PHEX: variants seen among roughly 807,000 people sequenced by gnomAD.
PHEX encodes the protein phosphate regulating endopeptidase X-linked.
Under a neutral mutation model 68.0 loss-of-function variants are expected in PHEX, and 16 were observed. That is an observed-to-expected ratio of 0.24 (90% CI 0.16 to 0.36). PHEX has a LOEUF of 0.36. Among genes scored for constraint, PHEX ranks in the 10% least tolerant of loss-of-function variants. The pLI is 1.00. For missense variants in PHEX, 480 were observed against 575.5 expected (o/e 0.83, Z 1.70); for synonymous variants, 208 against 205.1 (o/e 1.01, Z -0.12).
At chrX:22,232,441 T>C (rs1429828344) in intron 20 of PHEX, among the ~76,000 whole-genome samples, 2 of 110,202 alleles carry the variant, frequency 1.8e-5, no homozygotes, top group Admixed American at 1.9e-4. Flanking sequence ...GCTTGATGAA[T>C]CTGGGTGTTC....
intron 3 of PHEX, among the ~76,000 whole-genome samples, chrX:22,070,803 A>G (rs1308176641): frequency 8.9e-6 from 1 of 112,304 alleles, no homozygotes; most frequent in Non-Finnish European, 1.9e-5. Context: ...GTCAGGAGAA[A>G]GAACCCAAAG....
chrX:22,066,504 G>C (rs1357592770), intron 3 of PHEX, among the ~76,000 whole-genome samples: 1 of 112,343 alleles, frequency 8.9e-6, no homozygotes, highest in East Asian at 2.8e-4. Flanking sequence ...ATCTGCCAGG[G>C]AAGTCATGGC....
intron 21 of PHEX, among the ~76,000 whole-genome samples, chrX:22,246,390 A>T (rs775891332): frequency 5.4e-5 from 6 of 112,025 alleles, no homozygotes; most frequent in Non-Finnish European, 1.1e-4. Context: ...AATTTCTTCT[A>T]TATGTTAAAA....
chrX:22,181,378 T>C (rs1161785369), intron 14 of PHEX, among the ~76,000 whole-genome samples: 2 of 112,300 alleles, frequency 1.8e-5, no homozygotes, highest in African/African-American at 3.2e-5. Flanking sequence ...CCTTTTCATA[T>C]ACCTGTTTGC....
intron 3 of PHEX, among the ~76,000 whole-genome samples, chrX:22,068,806 G>C (rs922400184): frequency 8.9e-6 from 1 of 111,734 alleles, no homozygotes; most frequent in Non-Finnish European, 1.9e-5. Flanking sequence ...AACATACACG[G>C]CTTTTTCCTT....
chrX:22,129,265 G>C (rs1267263986), intron 11 of PHEX, among the ~76,000 whole-genome samples: 1 of 111,318 alleles, frequency 9.0e-6, no homozygotes, highest in East Asian at 2.8e-4. Context: ...TTTAAAATTT[G>C]TGAATTGTTT....
chrX:22,200,608 C>G (rs780129560), intron 15 of PHEX, among the ~76,000 whole-genome samples: 2 of 108,492 alleles, frequency 1.8e-5, no homozygotes, highest in South Asian at 8.0e-4. Context: ...GACTCTGTCT[C>G]AAAAATAAAA....
chrX:22,230,229 CTTTTTTTTTTTTTTTTTTTTTT>C lies in PHEX; in HGVS notation c.2070+2630_2070+2651del, dbSNP rs140475343. ...TAGGATTGTTTTGGCTATATGGGCT[CTTTTTTTTTTTTTTTTTTTTTT>C]TTTTTTTTTTTGGTTCCATATGAAG... On this transcript the variant is annotated intron_variant, in intron 20 of 21. Coordinates refer to ENST00000379374, the MANE Select transcript of PHEX (RefSeq NM_000444.6). 2.9e-3 allele frequency among the ~76,000 whole-genome samples: 32 copies of C among 10,945 alleles called. 1 individual carries two copies. Among genetic ancestry groups the C allele is most frequent in the African/African-American group, 4.6e-3 (16 of 3,500 alleles). The allele number at this position is 10,945 out of a possible 115,157, so 9.5% of individuals were successfully genotyped here.
In PHEX at chrX:22,241,596, C is replaced by T. The variant is rs753847108; in HGVS notation, c.2071-3737C>T. Among the ~76,000 whole-genome samples the T allele has an allele frequency of 2.7e-4, 30 of 111,594 alleles. No individual in the cohort carries two copies. The South Asian group carries it at 6.1e-3, about 23-fold the overall frequency. On this transcript the variant is annotated intron_variant, in intron 20 of 21. Coordinates refer to ENST00000379374, the MANE Select transcript of PHEX (RefSeq NM_000444.6). The stretch of plus-strand genomic sequence containing the variant: ...TAAAAAATGATAAAGGCGACATCAC[C>T]ACCGATCCCACAGAAATACAGTCTA...
chrX:22,112,419 T>C (rs894253316), intron 10 of PHEX, among the ~76,000 whole-genome samples: 3 of 112,229 alleles, frequency 2.7e-5, no homozygotes, highest in Non-Finnish European at 5.6e-5. Context: ...TTTTGTATCT[T>C]TGAAACAGTT....
chrX:22,118,208 T>C (rs1931318040), intron 11 of PHEX, among the ~76,000 whole-genome samples: 1 of 108,330 alleles, frequency 9.2e-6, no homozygotes, highest in African/African-American at 3.4e-5. Flanking sequence ...GGTTTTTTTT[T>C]TTTAAGTTGT....
chrX:22,060,389 T>G (rs1421003976), intron 3 of PHEX, among the ~76,000 whole-genome samples: 2 of 110,799 alleles, frequency 1.8e-5, no homozygotes, highest in South Asian at 7.7e-4. Context: ...TGCTGGGAGC[T>G]AAGTCCTAAG....
chrX:22,159,942 T>TATGTGATG (rs1436480517), intron 12 of PHEX, among the ~76,000 whole-genome samples: 3 of 112,327 alleles, frequency 2.7e-5, no homozygotes, highest in Middle Eastern at 4.6e-3. Flanking sequence ...GCTAATACCT[T>TATGTGATG]ATGTGATGAT....
chrX:22,171,388 A>G (rs2269471), intron 13 of PHEX: 22,466 of 110,377 alleles, frequency 0.2, 1,868 homozygotes, highest in East Asian at 0.27. Context: ...GGGGATTACA[A>G]GTCCCTCCCT....
intron 5 of PHEX, among the ~76,000 whole-genome samples, chrX:22,085,970 T>G (rs748530756): frequency 1.8e-5 from 2 of 112,009 alleles, no homozygotes; most frequent in African/African-American, 6.5e-5. Context: ...TATACTTAGG[T>G]GCTCCAGTGT....
chrX:22,131,401 G>A (rs1158205524), intron 11 of PHEX, among the ~76,000 whole-genome samples: 4 of 112,602 alleles, frequency 3.6e-5, no homozygotes, highest in Non-Finnish European at 7.5e-5. Context: ...AAGAACCACC[G>A]ACTTAATGAT....
In PHEX at chrX:22,248,160, G is replaced by A. The variant is rs755389049; in HGVS notation, c.*207G>A. 13 of 417,500 alleles carry A rather than the reference G, an allele frequency of 3.1e-5. No individual in the cohort carries two copies. In the South Asian group the frequency reaches 4.8e-4, roughly 15 times the overall value. The allele number at this position is 417,500 out of a possible 1,213,427, so 34.4% of individuals were successfully genotyped here. On this transcript the variant is annotated 3_prime_UTR_variant, in exon 22 of 22. Transcript: ENST00000379374. ...TGGAATATAAGAATGAACTAAGTATGTTTCTTTAGAAAATCAAACCAACAA... is the reference window on the plus strand; with the variant it reads ...TGGAATATAAGAATGAACTAAGTATATTTCTTTAGAAAATCAAACCAACAA...
intron 14 of PHEX, among the ~76,000 whole-genome samples, chrX:22,188,590 G>GT (rs1934104090): frequency 8.9e-6 from 1 of 111,959 alleles, no homozygotes; most frequent in East Asian, 2.8e-4. Flanking sequence ...ACTTTGTTCT[G>GT]TTTTTTGTTT....
intron 12 of PHEX, among the ~76,000 whole-genome samples, chrX:22,158,562 A>G (rs1933018642): frequency 8.9e-6 from 1 of 112,230 alleles, no homozygotes; most frequent in Non-Finnish European, 1.9e-5. Flanking sequence ...AATTTATCTG[A>G]CTCTCCTAAA....
Sources: allele counts gnomAD v4.1 joint callset (sites outside exome capture counted in the v4.1 genomes callset), GRCh38; gene constraint gnomAD v4.1.1; transcripts MANE v1.5; gene names NCBI Gene and HGNC (gene_info 2026-07-23, HGNC 2026-07-21).